PPP3CA: variants seen among roughly 807,000 people sequenced by gnomAD.
PPP3CA encodes the protein protein phosphatase 3 catalytic subunit alpha.
In PPP3CA, 14 loss-of-function variants were observed where a neutral mutation model predicts 66.5. The observed-to-expected ratio is 0.21, with a 90% CI of 0.14 to 0.33. The LOEUF (loss-of-function observed/expected upper bound fraction) is 0.33, where lower values mean the gene tolerates loss of function less well. PPP3CA is among the 10% of genes least tolerant of loss of function. The pLI is 1.00. For synonymous variants in PPP3CA, 232 were observed against 226.2 expected (o/e 1.03, Z -0.23); for missense variants, 317 against 639.5 (o/e 0.50, Z 5.44).
rs138850623 is a variant in PPP3CA at position 101,324,108 on chromosome 4, G to T, written c.58+22631C>A. ...GGGTGACAGAGTGAGACAAAAGAAAGAAAGAAAAGAAAAGAAAGGAAGGGA... is the reference window on the plus strand; with the variant it reads ...GGGTGACAGAGTGAGACAAAAGAAATAAAGAAAAGAAAAGAAAGGAAGGGA... On this transcript the variant is annotated intron_variant, in intron 1 of 13. Coordinates refer to ENST00000394854, the MANE Select transcript of PPP3CA (RefSeq NM_000944.5). 5.9e-3 allele frequency among the ~76,000 whole-genome samples: 851 copies of T among 143,026 alleles called. 9 individuals carry two copies. The highest frequency in any genetic ancestry group is 0.022 in the African/African-American group (825 of 36,924). 93.8% of individuals were successfully genotyped at this position (143,026 alleles called of 152,430 possible).
intron 2 of PPP3CA, among the ~76,000 whole-genome samples, chr4:101,191,750 C>T (rs1272002939): frequency 6.6e-6 from 1 of 152,206 alleles, no homozygotes; most frequent in African/African-American, 2.4e-5. Flanking sequence ...TTGACGTCAG[C>T]TGCTGTAAGG....
At chr4:101,331,036 A>T (rs983779519) in intron 1 of PPP3CA, among the ~76,000 whole-genome samples, 2 of 152,224 alleles carry the variant, frequency 1.3e-5, no homozygotes, top group African/African-American at 2.4e-5. Flanking sequence ...TCCCACAGAA[A>T]ATGCCACAGA....
chr4:101,266,215 T>C (rs912934638), intron 1 of PPP3CA, among the ~76,000 whole-genome samples: 3 of 152,180 alleles, frequency 2.0e-5, no homozygotes, highest in African/African-American at 7.2e-5. Flanking sequence ...CATATTCTTA[T>C]TCTTTTAACT....
chr4:101,207,596 G>A (rs1391799842), intron 1 of PPP3CA, among the ~76,000 whole-genome samples: 3 of 152,204 alleles, frequency 2.0e-5, no homozygotes, highest in Non-Finnish European at 4.4e-5. Flanking sequence ...GGAGGCCGAG[G>A]TGGGCAGATC....
At chr4:101,285,222 A>T (rs1225407389) in intron 1 of PPP3CA, among the ~76,000 whole-genome samples, 7 of 152,182 alleles carry the variant, frequency 4.6e-5, no homozygotes, top group Admixed American at 4.6e-4. Flanking sequence ...TGCAATATTA[A>T]TTTTGACATA....
At chr4:101,042,551 C>T (rs1421113864) in intron 10 of PPP3CA, among the ~76,000 whole-genome samples, 3 of 152,216 alleles carry the variant, frequency 2.0e-5, no homozygotes, top group African/African-American at 7.2e-5. Context: ...TTAAGCAAAA[C>T]CATGGGTTCT....
At chr4:101,160,140 A>G (rs1263497122) in intron 2 of PPP3CA, among the ~76,000 whole-genome samples, 4 of 151,696 alleles carry the variant, frequency 2.6e-5, no homozygotes, top group Non-Finnish European at 5.9e-5. Flanking sequence ...TACATTCCAC[A>G]CTTCTATCTT....
At chr4:101,083,323 T>A (rs1729522295) in intron 6 of PPP3CA, 60 bp from the exon 7 acceptor site, 1 of 1,384,522 alleles carries the variant, frequency 7.2e-7, no homozygotes, top group East Asian at 2.3e-5. Context: ...AGTAGCACAT[T>A]TATCTCTAAC....
At chr4:101,029,217 C>A (rs200995085) in intron 12 of PPP3CA, 22 bp from the exon 13 acceptor site, 152 of 1,601,022 alleles carry the variant, frequency 9.5e-5, no homozygotes, top group Non-Finnish European at 1.3e-4. Flanking sequence ...AAAGGGGGTG[C>A]AAAATGAATG....
chr4:101,111,046 T>C (rs569778672), intron 2 of PPP3CA, among the ~76,000 whole-genome samples: 1 of 152,200 alleles, frequency 6.6e-6, no homozygotes, highest in Non-Finnish European at 1.5e-5. Flanking sequence ...AGGATAAAGC[T>C]TATTAGCTAA....
intron 1 of PPP3CA, among the ~76,000 whole-genome samples, chr4:101,289,395 T>C (rs1040502439): frequency 6.6e-6 from 1 of 152,224 alleles, no homozygotes; most frequent in Non-Finnish European, 1.5e-5. Flanking sequence ...TCCACTTGCT[T>C]ATTTATTTCT....
chr4:101,041,358 C>A (rs1291372786), intron 10 of PPP3CA, among the ~76,000 whole-genome samples: 1 of 151,394 alleles, frequency 6.6e-6, no homozygotes, highest in Non-Finnish European at 1.5e-5. Flanking sequence ...CTTCAATGAG[C>A]CCATTTTATT....
chr4:101,224,040 A>G (rs937268782), intron 1 of PPP3CA, among the ~76,000 whole-genome samples: 1 of 151,846 alleles, frequency 6.6e-6, no homozygotes, highest in African/African-American at 2.4e-5. Context: ...TAAAATTATG[A>G]AAACACCAAA....
intron 1 of PPP3CA, among the ~76,000 whole-genome samples, chr4:101,311,045 G>T (rs1248122927): frequency 6.6e-6 from 1 of 152,124 alleles, no homozygotes; most frequent in Non-Finnish European, 1.5e-5. Flanking sequence ...TCTAACTTAC[G>T]TTAATAATTC....
intron 2 of PPP3CA, among the ~76,000 whole-genome samples, chr4:101,192,645 C>T (rs1283934560): frequency 2.0e-5 from 3 of 152,106 alleles, no homozygotes; most frequent in Non-Finnish European, 2.9e-5. Context: ...CATCATCCTT[C>T]CCCATCTTTT....
At chr4:101,058,938 G>C (rs1363733833) in intron 10 of PPP3CA, among the ~76,000 whole-genome samples, 1 of 152,090 alleles carries the variant, frequency 6.6e-6, no homozygotes, top group Non-Finnish European at 1.5e-5. Flanking sequence ...TCTACAGTAT[G>C]TTACATTTTT....
chr4:101,219,424 G>C (rs912702334), intron 1 of PPP3CA, among the ~76,000 whole-genome samples: 2 of 151,822 alleles, frequency 1.3e-5, no homozygotes, highest in Non-Finnish European at 2.9e-5. Flanking sequence ...TTAAAAACTA[G>C]CATGGAGGCA....
In PPP3CA at chr4:101,108,811, ATAATATG is replaced by A. The variant is rs1018123215; in HGVS notation, c.384+136_384+142del. 9 of 805,746 alleles carry A rather than the reference ATAATATG, an allele frequency of 1.1e-5. No individual in the cohort carries two copies. In the Admixed American group the frequency reaches 2.1e-4, roughly 19 times the overall value. 49.9% of individuals were successfully genotyped at this position (805,746 alleles called of 1,614,324 possible). Reference sequence around the variant, plus strand: ...AAACACATGGGAATCAACTGAAAATATAATATGTAATATCCTATGAATTAAGTGAATT... The same window carrying A: ...AAACACATGGGAATCAACTGAAAATATAATATCCTATGAATTAAGTGAATT... On this transcript the variant is annotated intron_variant, in intron 3 of 13. Transcript: ENST00000394854.
chr4:101,321,252 T>C (rs1037962510), intron 1 of PPP3CA, among the ~76,000 whole-genome samples: 7 of 152,246 alleles, frequency 4.6e-5, no homozygotes, highest in Admixed American at 1.3e-4. Context: ...CATACACATA[T>C]ATTTTATATA....
Sources: allele counts gnomAD v4.1 joint callset (sites outside exome capture counted in the v4.1 genomes callset), GRCh38; gene constraint gnomAD v4.1.1; transcripts MANE v1.5; gene names NCBI Gene and HGNC (gene_info 2026-07-23, HGNC 2026-07-21).